Variants in MAF observed in about 807,000 individuals in gnomAD.
MAF encodes MAF bZIP transcription factor.
In MAF, 10 loss-of-function variants were observed where a neutral mutation model predicts 22.0. The observed-to-expected ratio is 0.45, with a 90% CI of 0.28 to 0.77. The LOEUF (loss-of-function observed/expected upper bound fraction) is 0.77, where lower values mean the gene tolerates loss of function less well. Among genes scored for constraint, MAF ranks in the 30% least tolerant of loss-of-function variants. The pLI is 0.12. For synonymous variants in MAF, 337 were observed against 255.8 expected (o/e 1.32, Z -3.03); for missense variants, 544 against 548.4 (o/e 0.99, Z 0.08).
the MAF span, among the ~76,000 whole-genome samples, chr16:79,469,853 C>T: frequency 6.6e-6 from 1 of 152,270 alleles, no homozygotes; most frequent in Admixed American, 6.5e-5. Flanking sequence ...CCTCGGCCTC[C>T]CAAAGTGCTG....
chr16:79,456,577 T>A, the MAF span, among the ~76,000 whole-genome samples: 2 of 152,002 alleles, frequency 1.3e-5, no homozygotes, highest in Non-Finnish European at 2.9e-5. Flanking sequence ...ATGCTCAGAG[T>A]ATGGGAGAAG....
At chr16:79,522,235 G>C in the MAF span, among the ~76,000 whole-genome samples, 1 of 152,348 alleles carries the variant, frequency 6.6e-6, no homozygotes, top group Admixed American at 6.5e-5. Flanking sequence ...TTCCAGTGCT[G>C]TTTGATCTCC....
At chr16:79,532,258 A>G in the MAF span, among the ~76,000 whole-genome samples, 1 of 152,172 alleles carries the variant, frequency 6.6e-6, no homozygotes, top group Non-Finnish European at 1.5e-5. Flanking sequence ...GAGAAGAACC[A>G]AGGCAGGAGG....
At chr16:79,289,867 T>TTC in the MAF span, among the ~76,000 whole-genome samples, 30 of 118,534 alleles carry the variant, frequency 2.5e-4, 2 homozygotes, top group Middle Eastern at 5.2e-3. Flanking sequence ...TTTTTTTTTT[T>TTC]TGTGAGACGG....
chr16:79,476,869 G>A, the MAF span, among the ~76,000 whole-genome samples: 1 of 152,150 alleles, frequency 6.6e-6, no homozygotes, highest in African/African-American at 2.4e-5. Context: ...TTTAAAAAAT[G>A]TCATTTCCTG....
At chr16:79,373,289 G>C in the MAF span, among the ~76,000 whole-genome samples, 3 of 147,424 alleles carry the variant, frequency 2.0e-5, no homozygotes, top group Non-Finnish European at 4.5e-5. Context: ...TGGTTCAAGA[G>C]GGCTCTGTCC....
At chr16:79,229,614 G>A in the MAF span, among the ~76,000 whole-genome samples, 3 of 152,066 alleles carry the variant, frequency 2.0e-5, no homozygotes, top group African/African-American at 7.2e-5. Context: ...TCTGTGGACA[G>A]GGGCGTGAGG....
the MAF span, among the ~76,000 whole-genome samples, chr16:79,287,690 C>T: frequency 6.6e-6 from 1 of 152,196 alleles, no homozygotes. Flanking sequence ...TTCATTCATC[C>T]ACTCATTCTT....
At chr16:79,549,430 G>A in the MAF span, among the ~76,000 whole-genome samples, 6 of 152,214 alleles carry the variant, frequency 3.9e-5, no homozygotes, top group Non-Finnish European at 8.8e-5. Flanking sequence ...ACAAGATACT[G>A]TCTGTGAAGG....
the MAF span, among the ~76,000 whole-genome samples, chr16:79,252,263 G>T: frequency 7.0e-6 from 1 of 143,570 alleles, no homozygotes; most frequent in Admixed American, 7.0e-5. Flanking sequence ...AAAATAATGG[G>T]TGTGGCCATG....
At chr16:79,270,270 C>A in the MAF span, among the ~76,000 whole-genome samples, 4 of 152,032 alleles carry the variant, frequency 2.6e-5, no homozygotes, top group African/African-American at 9.7e-5. Flanking sequence ...GGCCTGAGGG[C>A]TGCAGGGGGC....
At chr16:79,234,748 C>A in the MAF span, among the ~76,000 whole-genome samples, 1 of 152,070 alleles carries the variant, frequency 6.6e-6, no homozygotes, top group Non-Finnish European at 1.5e-5. Flanking sequence ...AGCTGTGGAC[C>A]CAACACAGTG....
At chr16:79,322,498 G>A in the MAF span, among the ~76,000 whole-genome samples, 1 of 152,172 alleles carries the variant, frequency 6.6e-6, no homozygotes, top group Non-Finnish European at 1.5e-5. Context: ...CTTTGCCACA[G>A]ATAAAAAGAA....
chr16:79,214,058 T>G, the MAF span, among the ~76,000 whole-genome samples: 1 of 152,210 alleles, frequency 6.6e-6, no homozygotes, highest in Non-Finnish European at 1.5e-5. Flanking sequence ...GCTGAAATGC[T>G]TTCCTTCCAG....
At chr16:79,348,928 A>G in the MAF span, among the ~76,000 whole-genome samples, 2 of 152,162 alleles carry the variant, frequency 1.3e-5, no homozygotes, top group African/African-American at 2.4e-5. Flanking sequence ...TCAAGGCCCT[A>G]GATCTGGTGA....
downstream of MAF, among the ~76,000 whole-genome samples, chr16:79,583,279 C>T (rs1015443505): frequency 6.6e-6 from 1 of 152,150 alleles, no homozygotes; most frequent in African/African-American, 2.4e-5. Flanking sequence ...GCCTTCCTTA[C>T]GTTTGACAAC....
the MAF span, among the ~76,000 whole-genome samples, chr16:79,483,423 G>A: frequency 6.6e-6 from 1 of 150,890 alleles, no homozygotes; most frequent in Non-Finnish European, 1.5e-5. Flanking sequence ...AAGATAGGAA[G>A]GGAAGTGAAG....
chr16:79,215,411 C>T, the MAF span, among the ~76,000 whole-genome samples: 1 of 152,140 alleles, frequency 6.6e-6, no homozygotes, highest in Non-Finnish European at 1.5e-5. Flanking sequence ...CTTTATGGGT[C>T]TGACTCTAGT....
chr16:79,343,363 G>A, the MAF span, among the ~76,000 whole-genome samples: 62 of 152,208 alleles, frequency 4.1e-4, 1 homozygote, highest in African/African-American at 1.5e-3. Flanking sequence ...TCTAGACTGT[G>A]AATGACCTCT....
Sources: gnomAD v4.1 joint callset for allele counts (sites outside exome capture counted in the v4.1 genomes callset) on GRCh38, gnomAD v4.1.1 for gene constraint, MANE v1.5 for transcripts, NCBI Gene and HGNC (gene_info 2026-07-23, HGNC 2026-07-21) for gene names.